SNX29: variants seen among roughly 807,000 people sequenced by gnomAD.
SNX29 encodes sorting nexin 29.
SNX29 carries 78 observed loss-of-function variants against 102.1 expected under a neutral mutation model. The observed-to-expected ratio is 0.76, with a 90% CI of 0.64 to 0.92. SNX29 has a LOEUF of 0.92. Among genes scored for constraint, SNX29 ranks in the 40% least tolerant of loss-of-function variants. The pLI is 0.00. For missense variants in SNX29, 1,280 were observed against 1,061.7 expected, an observed-to-expected ratio of 1.21 and a Z score of -2.86; for synonymous variants, 580 against 414.5, an observed-to-expected ratio of 1.40 and a Z score of -4.85.
intron 20 of SNX29, among the ~76,000 whole-genome samples, chr16:12,550,471 G>A (rs549767040): frequency 2.0e-5 from 3 of 150,434 alleles, no homozygotes; most frequent in Non-Finnish European, 4.4e-5. Flanking sequence ...GGAGGTGGAG[G>A]TTGGAGTGAG....
intron 11 of SNX29, among the ~76,000 whole-genome samples, chr16:12,112,861 G>C (rs2053553641): frequency 1.3e-5 from 2 of 152,160 alleles, no homozygotes; most frequent in African/African-American, 4.8e-5. Flanking sequence ...CTTCCTGCCG[G>C]AGGAGGATGG....
intron 13 of SNX29, among the ~76,000 whole-genome samples, chr16:12,149,943 G>A (rs988265973): frequency 4.6e-5 from 7 of 152,164 alleles, no homozygotes; most frequent in Non-Finnish European, 8.8e-5. Flanking sequence ...GAAGGAAGAT[G>A]CTGTGTCAAG....
chr16:12,551,015 G>A (rs184633087), intron 20 of SNX29, among the ~76,000 whole-genome samples: 274 of 152,276 alleles, frequency 1.8e-3, no homozygotes, highest in Non-Finnish European at 2.1e-3. Flanking sequence ...TTCTCTGGCC[G>A]AGTGATGGGC....
At chr16:12,446,523 C>T (rs2086061689) in intron 18 of SNX29, among the ~76,000 whole-genome samples, 1 of 152,132 alleles carries the variant, frequency 6.6e-6, no homozygotes. Flanking sequence ...AAGAGGGACC[C>T]ACTGTGTGCT....
At chr16:12,519,605 A>C (rs1200732375) in intron 19 of SNX29, among the ~76,000 whole-genome samples, 1 of 152,270 alleles carries the variant, frequency 6.6e-6, no homozygotes, top group Non-Finnish European at 1.5e-5. Flanking sequence ...GAAAAGGTAA[A>C]AATGATGACA....
rs140083045 is a variant in SNX29 at position 12,063,270 on chromosome 16, G to A, written c.1243+1624G>A. On this transcript the variant is annotated intron_variant, in intron 9 of 20. Transcript: ENST00000566228. ...GGAGCTGGGGCGTTGGCATGGAGGGGGCTTTCCTGACTTGGTGGGGTGCTG... is the reference window on the plus strand; with the variant it reads ...GGAGCTGGGGCGTTGGCATGGAGGGAGCTTTCCTGACTTGGTGGGGTGCTG... Among the ~76,000 whole-genome samples the A allele has an allele frequency of 6.4e-3, 974 of 152,018 alleles. 9 individuals carry two copies. The highest frequency in any genetic ancestry group is 0.023 in the African/African-American group (938 of 41,524).
rs9889154 is a variant in SNX29 at position 12,270,094 on chromosome 16, C to T, written c.1679-7839C>T. The stretch of plus-strand genomic sequence containing the variant: ...CAGGCTGGTCTCAAATTCCTGACCT[C>T]AAGTGATCCACCCACCTTGGCCTCC... On this transcript the variant is annotated intron_variant, in intron 14 of 20. Transcript: ENST00000566228. Among the ~76,000 whole-genome samples, 429 of 152,202 alleles carry T rather than the reference C, an allele frequency of 2.8e-3. 5 individuals are homozygous for T. The highest frequency in any genetic ancestry group is 9.8e-3 in the African/African-American group (405 of 41,514).
In SNX29 at chr16:12,570,089, C is replaced by T. The variant is rs1308731810; in HGVS notation, c.*1460C>T. ...ATCATCTGGAAGGTTTATACTGTGC[C>T]TTCCCCTCGTAGCAAAAAGGAAGAT... On this transcript the variant is annotated 3_prime_UTR_variant, in exon 21 of 21. Coordinates refer to ENST00000566228, the MANE Select transcript of SNX29 (RefSeq NM_032167.5). 2 of 878,792 alleles carry T rather than the reference C, an allele frequency of 2.3e-6. No homozygotes were observed. Among genetic ancestry groups the T allele is most frequent in the Non-Finnish European group, 1.4e-6 (1 of 709,598 alleles). The allele number at this position is 878,792 out of a possible 1,614,324, so 54.4% of individuals were successfully genotyped here. A position where few individuals can be genotyped will look rare whatever the true frequency, so the allele number is the denominator to read the frequency against.
chr16:12,133,784 G>A (rs1044675148), intron 13 of SNX29, among the ~76,000 whole-genome samples: 3 of 152,122 alleles, frequency 2.0e-5, no homozygotes, highest in African/African-American at 7.2e-5. Context: ...TTTTAACAGC[G>A]ATAGTGCAGA....
At chr16:12,442,280 T>G (rs1299275741) in intron 18 of SNX29, among the ~76,000 whole-genome samples, 1 of 152,250 alleles carries the variant, frequency 6.6e-6, no homozygotes, top group Non-Finnish European at 1.5e-5. Context: ...TGCATCTCTA[T>G]GCCTGTCCTT....
Position 12,568,665 on chromosome 16 carries a change from G to C in SNX29, c.*36G>C. 6.3e-7 allele frequency: 1 copy of C among 1,592,498 alleles called. No homozygotes were observed. Among genetic ancestry groups the C allele is most frequent in the Non-Finnish European group, 8.5e-7 (1 of 1,175,978 alleles). On this transcript the variant is annotated 3_prime_UTR_variant, in exon 21 of 21. Coordinates refer to ENST00000566228, the MANE Select transcript of SNX29 (RefSeq NM_032167.5). ...ACCGCAGCCACGGGCCCTGTGCGTG[G>C]CACCAGCTGCGTCCACCCCAGCCAC...
At chr16:11,995,737 G>T (rs537255140) in intron 1 of SNX29, among the ~76,000 whole-genome samples, 1 of 151,854 alleles carries the variant, frequency 6.6e-6, no homozygotes, top group Non-Finnish European at 1.5e-5. Context: ...GAAAGGAGCC[G>T]GCAGTGTCAG....
intron 18 of SNX29, among the ~76,000 whole-genome samples, chr16:12,468,159 A>C (rs1597487158): frequency 5.0e-5 from 6 of 120,760 alleles, no homozygotes; most frequent in African/African-American, 1.3e-4. Flanking sequence ...AGGACTGTCT[A>C]CTCTGACTCC....
At chr16:12,389,619 T>C (rs948914193) in intron 16 of SNX29, among the ~76,000 whole-genome samples, 1 of 152,166 alleles carries the variant, frequency 6.6e-6, no homozygotes. Context: ...AGAACATTTG[T>C]TCCCTGTTTT....
intron 19 of SNX29, among the ~76,000 whole-genome samples, chr16:12,516,190 G>C (rs1425023466): frequency 6.6e-6 from 1 of 152,138 alleles, no homozygotes; most frequent in African/African-American, 2.4e-5. Flanking sequence ...TCATCAGAAT[G>C]GGTACGAGAC....
At chr16:12,049,587 C>A (rs890271304) in intron 7 of SNX29, among the ~76,000 whole-genome samples, 3 of 152,104 alleles carry the variant, frequency 2.0e-5, no homozygotes, top group Non-Finnish European at 2.9e-5. Context: ...CCCGCCCTGG[C>A]CTCTCAAAGT....
At chr16:12,565,016 G>A (rs576476817) in intron 20 of SNX29, among the ~76,000 whole-genome samples, 24 of 151,958 alleles carry the variant, frequency 1.6e-4, no homozygotes, top group Middle Eastern at 3.5e-3. Context: ...ACTGTTGGAC[G>A]CCAGTCCTGG....
At chr16:12,012,600 G>A (rs889426934) in intron 3 of SNX29, among the ~76,000 whole-genome samples, 4 of 152,016 alleles carry the variant, frequency 2.6e-5, no homozygotes, top group African/African-American at 9.7e-5. Context: ...GTGGAGATGA[G>A]GTTTCACCAT....
intron 20 of SNX29, chr16:12,561,168 A>G (rs967714461): frequency 6.5e-5 from 15 of 229,932 alleles, no homozygotes; most frequent in Admixed American, 6.2e-4. Context: ...TTCAAAGGCT[A>G]TTCAGCCTGG....
Sources: allele counts gnomAD v4.1 joint callset (sites outside exome capture counted in the v4.1 genomes callset), GRCh38; gene constraint gnomAD v4.1.1; transcripts MANE v1.5; gene names NCBI Gene and HGNC (gene_info 2026-07-23, HGNC 2026-07-21).